COG5: variants seen among roughly 807,000 people sequenced by gnomAD.
COG5 encodes the protein conserved oligomeric Golgi complex subunit 5.
In COG5, 86 loss-of-function variants were observed where a neutral mutation model predicts 110.4. That is an observed-to-expected ratio of 0.78 (90% CI 0.65 to 0.93). The LOEUF is 0.93. Among genes scored for constraint, COG5 ranks in the 40% least tolerant of loss-of-function variants. COG5 has a pLI of 0.00. For synonymous variants in COG5, 360 were observed against 334.6 expected (o/e 1.08, Z -0.83); for missense variants, 1,077 against 987.0 (o/e 1.09, Z -1.22).
At chr7:107,211,834 A>C (rs1027055439) in intron 19 of COG5, among the ~76,000 whole-genome samples, 1 of 152,166 alleles carries the variant, frequency 6.6e-6, no homozygotes, top group Non-Finnish European at 1.5e-5. Context: ...TTCCACTACA[A>C]ATTATATACC....
chr7:107,502,509 T>C (rs1394523710), intron 6 of COG5, among the ~76,000 whole-genome samples: 1 of 152,178 alleles, frequency 6.6e-6, no homozygotes, highest in African/African-American at 2.4e-5. Flanking sequence ...TTTCATATAA[T>C]GACTTCTTTT....
chr7:107,424,548 A>G (rs1432493975), intron 6 of COG5, among the ~76,000 whole-genome samples: 1 of 151,412 alleles, frequency 6.6e-6, no homozygotes, highest in Non-Finnish European at 1.5e-5. Context: ...CAAAAGAAAT[A>G]TATCAAACAG....
intron 14 of COG5, among the ~76,000 whole-genome samples, chr7:107,271,970 T>C (rs6466163): frequency 0.64 from 97,030 of 152,000 alleles, 33,225 homozygotes; most frequent in African/African-American, 0.91. Context: ...TTTAAAATAT[T>C]CCTCTTTGGC....
At chr7:107,236,139 G>C (rs1402500479) in intron 18 of COG5, among the ~76,000 whole-genome samples, 4 of 152,164 alleles carry the variant, frequency 2.6e-5, no homozygotes, top group Admixed American at 6.5e-5. Context: ...TATTGGGACA[G>C]TAAAATAGTG....
chr7:107,556,196 C>T (rs1292985765), intron 2 of COG5, among the ~76,000 whole-genome samples: 2 of 152,104 alleles, frequency 1.3e-5, no homozygotes, highest in African/African-American at 4.8e-5. Context: ...TACTTCCAGG[C>T]CTCTGTATTG....
Position 107,563,864 on chromosome 7 carries a change from A to T in COG5, c.33T>A (p.Ala11=). The T allele has an allele frequency of 6.2e-7, 1 of 1,613,622 alleles. No individual in the cohort carries two copies. The highest frequency in any genetic ancestry group is 8.5e-7 in the Non-Finnish European group (1 of 1,179,944). Residue 11 remains alanine (A), a synonymous_variant, in exon 1 of 22, where the codon GCT becomes GCA. Transcript: ENST00000297135. The part of the protein sequence containing the change: MEGGGGSVAV[A]GLGARGSGAA... ...CTCCAGAGCCTCGAGCTCCGAGGCC[A>T]GCTACAGCGACGCTGCCGCCGCCAC...
chr7:107,498,517 A>C (rs548906578), intron 6 of COG5, among the ~76,000 whole-genome samples: 1 of 152,196 alleles, frequency 6.6e-6, no homozygotes. Flanking sequence ...AAGTATATAA[A>C]AAGATCATTA....
intron 2 of COG5, among the ~76,000 whole-genome samples, chr7:107,555,873 G>A (rs7777628): frequency 0.047 from 7,118 of 152,128 alleles, 202 homozygotes; most frequent in Middle Eastern, 0.075. Flanking sequence ...AATTAGCTAC[G>A]TGTGGTGGTG....
intron 14 of COG5, among the ~76,000 whole-genome samples, chr7:107,278,853 A>G (rs993610758): frequency 6.6e-6 from 1 of 152,358 alleles, no homozygotes; most frequent in South Asian, 2.1e-4. Flanking sequence ...AACCTAGGCA[A>G]TACCATTCAG....
chr7:107,563,276 G>A (rs1345535347), intron 1 of COG5, among the ~76,000 whole-genome samples: 1 of 151,850 alleles, frequency 6.6e-6, no homozygotes, highest in Non-Finnish European at 1.5e-5. Flanking sequence ...ACGTGTCACT[G>A]TAGATAACTG....
chr7:107,562,335 A>G lies in COG5; in HGVS notation c.94+1468T>C, dbSNP rs184701269. On this transcript the variant is annotated intron_variant, in intron 1 of 21. Coordinates refer to ENST00000297135, the MANE Select transcript of COG5 (RefSeq NM_006348.5). ...ATACATCCTACTGAAACATATATCC[A>G]ATGTTCCACTGTTCACCTGGGGAAG... Among the ~76,000 whole-genome samples, 284 of 152,328 alleles carry G rather than the reference A, an allele frequency of 1.9e-3. 2 individuals are homozygous for G. Among genetic ancestry groups the G allele is most frequent in the African/African-American group, 6.6e-3 (275 of 41,584 alleles).
At chr7:107,243,296 A>G (rs1801790654) in intron 17 of COG5, among the ~76,000 whole-genome samples, 1 of 151,812 alleles carries the variant, frequency 6.6e-6, no homozygotes, top group African/African-American at 2.4e-5. Context: ...GGTGGATCAC[A>G]AGGTCAGAAG....
At position 107,434,819 on chromosome 7, in the gene COG5, A is replaced by C. The variant is rs555862702; in HGVS notation, c.539-22187T>G. The stretch of plus-strand genomic sequence containing the variant: ...CCCTGTCTCTACTAAAAATACAAAA[A>C]ATTAGTTGGATGTGGTGGCAAATGC... On this transcript the variant is annotated intron_variant, in intron 6 of 21. Transcript: ENST00000297135. 2.2e-3 allele frequency among the ~76,000 whole-genome samples: 341 copies of C among 152,048 alleles called. 2 individuals are homozygous for C. Among genetic ancestry groups the C allele is most frequent in the African/African-American group, 7.8e-3 (324 of 41,460 alleles).
intron 19 of COG5, among the ~76,000 whole-genome samples, chr7:107,229,820 T>G (rs1231640903): frequency 6.6e-6 from 1 of 151,114 alleles, no homozygotes; most frequent in Non-Finnish European, 1.5e-5. Context: ...TTGAACTAGA[T>G]TCTTCTGTTT....
chr7:107,202,983 T>TTTAA lies in COG5; in HGVS notation c.*529_*532dup, dbSNP rs1798463308. On this transcript the variant is annotated 3_prime_UTR_variant, in exon 22 of 22. Coordinates refer to ENST00000297135, the MANE Select transcript of COG5 (RefSeq NM_006348.5). ...AATCATTTTGGGGATTTTTTTTTTTTTTAATAGTGGTGTCTGTCAGGCTCC... is the reference window on the plus strand; with the variant it reads ...AATCATTTTGGGGATTTTTTTTTTTTTTAATTAATAGTGGTGTCTGTCAGGCTCC... 6.5e-6 allele frequency: 1 copy of TTTAA among 153,070 alleles called. No homozygotes were observed. The highest frequency in any genetic ancestry group is 6.5e-5 in the Admixed American group (1 of 15,412). 9.5% of individuals were successfully genotyped at this position (153,070 alleles called of 1,614,324 possible). A position where few individuals can be genotyped will look rare whatever the true frequency, so the allele number is the denominator to read the frequency against.
At chr7:107,336,449 G>A (rs902458850) in intron 10 of COG5, among the ~76,000 whole-genome samples, 15 of 152,112 alleles carry the variant, frequency 9.9e-5, no homozygotes, top group African/African-American at 2.9e-4. Context: ...CAGTTAGATA[G>A]AAGAAATAAG....
At chr7:107,361,268 G>A (rs1417133720) in intron 10 of COG5, among the ~76,000 whole-genome samples, 3 of 152,150 alleles carry the variant, frequency 2.0e-5, no homozygotes, top group Admixed American at 1.3e-4. Context: ...GGCCCATGAG[G>A]CTAGTAGATT....
At chr7:107,498,847 T>A (rs1335478353) in intron 6 of COG5, among the ~76,000 whole-genome samples, 2 of 152,180 alleles carry the variant, frequency 1.3e-5, no homozygotes, top group Non-Finnish European at 2.9e-5. Context: ...TGCACTCTCA[T>A]GTTCACAGCA....
intron 5 of COG5, among the ~76,000 whole-genome samples, chr7:107,531,010 G>A (rs1801163650): frequency 6.6e-6 from 1 of 151,634 alleles, no homozygotes; most frequent in Admixed American, 6.6e-5. Flanking sequence ...CCAACCAAGA[G>A]AAACCACTAC....
Sources: allele counts gnomAD v4.1 joint callset (sites outside exome capture counted in the v4.1 genomes callset), GRCh38; gene constraint gnomAD v4.1.1; transcripts MANE v1.5; gene names NCBI Gene and HGNC (gene_info 2026-07-23, HGNC 2026-07-21).